The following WDR27 variants were observed in gnomAD, a reference collection of about 807,000 sequenced individuals.
WDR27 encodes WD repeat-containing protein 27.
WDR27 carries 100 observed loss-of-function variants against 114.4 expected under a neutral mutation model. The observed-to-expected ratio is 0.87, with a 90% CI of 0.74 to 1.03. The LOEUF (loss-of-function observed/expected upper bound fraction) is 1.03, where lower values mean the gene tolerates loss of function less well. Ranked by LOEUF, WDR27 falls within the 50% of genes least tolerant of loss-of-function variation. The pLI, the probability that WDR27 is intolerant of heterozygous loss-of-function variation, is 0.00. For missense variants in WDR27, 1,129 were observed against 1,092.9 expected (o/e 1.03, Z -0.47); for synonymous variants, 449 against 423.1 (o/e 1.06, Z -0.75).
Position 169,636,361 on chromosome 6 carries a change from G to A in WDR27, c.2003+10C>T. ...ATCTAAAAATAATGCACAGGGCGGGGGGTGCCTACCTCTTAATCTCATCTT... is the reference window on the plus strand; with the variant it reads ...ATCTAAAAATAATGCACAGGGCGGGAGGTGCCTACCTCTTAATCTCATCTT... On this transcript the variant is annotated intron_variant, in intron 19 of 25. Coordinates refer to ENST00000448612, the MANE Select transcript of WDR27 (RefSeq NM_182552.5). 2 of 1,613,286 alleles carry A rather than the reference G, an allele frequency of 1.2e-6. No homozygotes were observed. The highest frequency in any genetic ancestry group is 1.1e-5 in the South Asian group (1 of 90,894).
At chr6:169,615,126 A>G (rs1007266502) in intron 21 of WDR27, among the ~76,000 whole-genome samples, 3 of 152,240 alleles carry the variant, frequency 2.0e-5, no homozygotes, top group African/African-American at 7.2e-5. Flanking sequence ...GCACAAAATG[A>G]TATCAAATAT....
At chr6:169,589,760 G>T (rs1185822312) in intron 23 of WDR27, among the ~76,000 whole-genome samples, 1 of 152,150 alleles carries the variant, frequency 6.6e-6, no homozygotes. Context: ...GACACAGAGC[G>T]ATGGTAATGA....
Position 169,649,055 on chromosome 6 carries a change from T to C in WDR27, c.1559+143A>G, listed in dbSNP as rs1183505470. ...TGGCTAAAAAGATATATAAATAATATAGATATACATATCTGTGTACATATG... is the reference window on the plus strand; with the variant it reads ...TGGCTAAAAAGATATATAAATAATACAGATATACATATCTGTGTACATATG... On this transcript the variant is annotated intron_variant, in intron 15 of 25. Coordinates refer to ENST00000448612, the MANE Select transcript of WDR27 (RefSeq NM_182552.5). The C allele has an allele frequency of 1.6e-5, 9 of 557,804 alleles. 1 individual carries two copies. In the Middle Eastern group the frequency reaches 1.5e-3, roughly 95 times the overall value. 34.6% of individuals were successfully genotyped at this position (557,804 alleles called of 1,614,324 possible).
At chr6:169,517,322 T>G (rs1229984265) in intron 25 of WDR27, among the ~76,000 whole-genome samples, 1 of 152,170 alleles carries the variant, frequency 6.6e-6, no homozygotes, top group African/African-American at 2.4e-5. Flanking sequence ...TGCGGAACCA[T>G]GAGCCAATTA....
At chr6:169,465,901 G>T (rs1316246196) in intron 25 of WDR27, among the ~76,000 whole-genome samples, 2 of 152,196 alleles carry the variant, frequency 1.3e-5, no homozygotes, top group Non-Finnish European at 2.9e-5. Flanking sequence ...TAATGGGCAT[G>T]AAGTTTCAGG....
intron 25 of WDR27, among the ~76,000 whole-genome samples, chr6:169,476,950 T>C (rs1238857324): frequency 1.3e-5 from 2 of 152,242 alleles, no homozygotes; most frequent in Non-Finnish European, 2.9e-5. Flanking sequence ...TCTCCAGTAT[T>C]GTGTCAAAAG....
intron 22 of WDR27, among the ~76,000 whole-genome samples, chr6:169,611,649 A>G (rs1238126033): frequency 2.0e-5 from 3 of 152,210 alleles, no homozygotes; most frequent in Non-Finnish European, 2.9e-5. Context: ...CTTACTCTAC[A>G]TGCTTTTTTC....
intron 25 of WDR27, among the ~76,000 whole-genome samples, chr6:169,539,270 C>G (rs1028123494): frequency 6.6e-6 from 1 of 152,192 alleles, no homozygotes; most frequent in African/African-American, 2.4e-5. Flanking sequence ...ATTGAGGGAT[C>G]TCCCCCATCG....
At chr6:169,466,577 G>C (rs1785617391) in intron 25 of WDR27, among the ~76,000 whole-genome samples, 1 of 152,076 alleles carries the variant, frequency 6.6e-6, no homozygotes, top group Non-Finnish European at 1.5e-5. Context: ...ACAACATGTG[G>C]GGATTATGGA....
chr6:169,623,951 C>T (rs528050623), intron 21 of WDR27, among the ~76,000 whole-genome samples: 2 of 152,286 alleles, frequency 1.3e-5, no homozygotes, highest in African/African-American at 4.8e-5. Flanking sequence ...ACACAAACAG[C>T]AAAACCAGCT....
chr6:169,613,380 A>T (rs953492408), intron 22 of WDR27, among the ~76,000 whole-genome samples, 179 bp downstream of exon 22: 1 of 152,222 alleles, frequency 6.6e-6, no homozygotes, highest in Admixed American at 6.5e-5. Context: ...CAGAGAGACC[A>T]GTACCTAGTG....
In WDR27 at chr6:169,691,729, T is replaced by C. The variant is rs921377188; in HGVS notation, c.-7-2717A>G. 1.9e-4 allele frequency among the ~76,000 whole-genome samples: 29 copies of C among 152,240 alleles called. 1 individual carries two copies. The highest frequency in any genetic ancestry group is 3.1e-4 in the Non-Finnish European group (21 of 68,042). ...GCAGCATTTTACAAATAATAGTACTTGTATGCCAATTTGCAGTTTACAAAC... is the reference window on the plus strand; with the variant it reads ...GCAGCATTTTACAAATAATAGTACTCGTATGCCAATTTGCAGTTTACAAAC... On this transcript the variant is annotated intron_variant, in intron 1 of 25. Transcript: ENST00000448612.
intron 25 of WDR27, among the ~76,000 whole-genome samples, chr6:169,566,954 T>A (rs993927472): frequency 3.9e-5 from 6 of 152,154 alleles, no homozygotes; most frequent in Non-Finnish European, 8.8e-5. Flanking sequence ...TAAAAATGCA[T>A]AATAGGCCAG....
At chr6:169,693,538 T>C (rs1332616527) in intron 1 of WDR27, among the ~76,000 whole-genome samples, 3 of 152,122 alleles carry the variant, frequency 2.0e-5, no homozygotes, top group African/African-American at 7.2e-5. Context: ...AGATACAAAA[T>C]GGCAGAATGG....
the WDR27 span, among the ~76,000 whole-genome samples, chr6:169,429,294 G>A: frequency 2.0e-5 from 3 of 152,118 alleles, no homozygotes; most frequent in East Asian, 3.9e-4. Flanking sequence ...TGACAGCTGC[G>A]TGGGCTCCTG....
At chr6:169,593,721 C>T (rs1234307388) in intron 23 of WDR27, among the ~76,000 whole-genome samples, 1 of 152,090 alleles carries the variant, frequency 6.6e-6, no homozygotes, top group East Asian at 1.9e-4. Flanking sequence ...TGGTGGCGGG[C>T]GCCTGTAATC....
chr6:169,518,626 G>A (rs982517388), intron 25 of WDR27, among the ~76,000 whole-genome samples: 2 of 152,216 alleles, frequency 1.3e-5, no homozygotes, highest in Admixed American at 6.5e-5. Flanking sequence ...AGGCTTCTGG[G>A]GCTATGACAG....
chr6:169,504,225 G>C (rs1214645835), intron 25 of WDR27, among the ~76,000 whole-genome samples: 1 of 152,120 alleles, frequency 6.6e-6, no homozygotes, highest in Admixed American at 6.5e-5. Flanking sequence ...AAAATGTTAA[G>C]ATACATAGTA....
At chr6:169,428,057 A>G in the WDR27 span, among the ~76,000 whole-genome samples, 1 of 152,172 alleles carries the variant, frequency 6.6e-6, no homozygotes, top group Non-Finnish European at 1.5e-5. Flanking sequence ...CTCCACTTTC[A>G]ATCTCCGCAG....
Sources: gnomAD v4.1 joint callset for allele counts (sites outside exome capture counted in the v4.1 genomes callset) on GRCh38, gnomAD v4.1.1 for gene constraint, MANE v1.5 for transcripts, NCBI Gene and HGNC (gene_info 2026-07-23, HGNC 2026-07-21) for gene names.